Variants in ORC4 observed in about 807,000 individuals in gnomAD.
ORC4 encodes origin recognition complex, subunit 4 homolog.
Under a neutral mutation model 63.9 loss-of-function variants are expected in ORC4, and 55 were observed. That is an observed-to-expected ratio of 0.86 (90% confidence interval 0.69 to 1.08). The LOEUF is 1.08. Ranked by LOEUF, ORC4 falls within the 50% of genes least tolerant of loss-of-function variation. ORC4 has a pLI of 0.00. For missense variants in ORC4, 511 were observed against 504.4 expected (o/e 1.01, Z -0.13); for synonymous variants, 150 against 168.5 (o/e 0.89, Z 0.85).
intron 1 of ORC4, among the ~76,000 whole-genome samples, chr2:148,012,515 C>G (rs1693032963): frequency 6.6e-6 from 1 of 152,100 alleles, no homozygotes; most frequent in Admixed American, 6.6e-5. Context: ...AACTCCAGGA[C>G]ATTGGTCTAG....
chr2:147,980,181 A>G (rs759695003), intron 1 of ORC4, among the ~76,000 whole-genome samples: 1 of 152,174 alleles, frequency 6.6e-6, no homozygotes, highest in African/African-American at 2.4e-5. Context: ...GTCGCTCCTC[A>G]TCAGCAGATT....
At chr2:147,976,290 C>T (rs543407404) in intron 1 of ORC4, among the ~76,000 whole-genome samples, 73 of 152,196 alleles carry the variant, frequency 4.8e-4, no homozygotes, top group Non-Finnish European at 9.0e-4. Context: ...ACCATGTCCC[C>T]ATTTTGTGTC....
chr2:147,939,050 G>T, intron 11 of ORC4, 90 bp downstream of exon 11: 1 of 791,052 alleles, frequency 1.3e-6, no homozygotes. Flanking sequence ...AAAGCATTAT[G>T]CCCACGTTAA....
intron 11 of ORC4, among the ~76,000 whole-genome samples, chr2:147,938,935 T>A (rs1688212375): frequency 6.6e-6 from 1 of 152,182 alleles, no homozygotes; most frequent in Non-Finnish European, 1.5e-5. Context: ...ATTTCCAATG[T>A]GGCAAAAGAG....
rs1379648923 is a variant in ORC4 at position 147,933,685 on chromosome 2, CAAAT to C, written c.*1821_*1824del. On this transcript the variant is annotated 3_prime_UTR_variant, in exon 14 of 14. Transcript: ENST00000392857. ...CCTTTAAGACAAATAATACTTTCCT[CAAAT>C]AGTTCAGAAAATTTTTAAAAGGATC... The C allele has an allele frequency of 2.0e-5, 3 of 152,048 alleles. No individual in the cohort carries two copies. The highest frequency in any genetic ancestry group is 4.4e-5 in the Non-Finnish European group (3 of 68,000). 9.4% of individuals were successfully genotyped at this position (152,048 alleles called of 1,614,324 possible). A position where few individuals can be genotyped will look rare whatever the true frequency, so the allele number is the denominator to read the frequency against.
chr2:147,946,916 C>T (rs1688688806), intron 9 of ORC4, among the ~76,000 whole-genome samples: 1 of 151,878 alleles, frequency 6.6e-6, no homozygotes, highest in Non-Finnish European at 1.5e-5. Flanking sequence ...CACTGTTTAT[C>T]ATGTATTCTT....
intron 1 of ORC4, among the ~76,000 whole-genome samples, chr2:147,992,017 A>C (rs1268003276): frequency 6.6e-6 from 1 of 152,212 alleles, no homozygotes; most frequent in South Asian, 2.1e-4. Flanking sequence ...TAGGCTAACA[A>C]AAGAACTAAC....
At chr2:147,947,996 A>C in intron 9 of ORC4, 55 bp downstream of exon 9, 1 of 1,394,790 alleles carries the variant, frequency 7.2e-7, no homozygotes, top group Non-Finnish European at 1.0e-6. Context: ...TTTGTGTTTT[A>C]ATTGCTTTAA....
chr2:147,972,748 T>C lies in ORC4; in HGVS notation c.216A>G (p.Gly72=), dbSNP rs1573818484. 8 of 1,606,380 alleles carry C rather than the reference T, an allele frequency of 5.0e-6. No individual in the cohort carries two copies. Among genetic ancestry groups the C allele is most frequent in the Non-Finnish European group, 4.3e-6 (5 of 1,174,110 alleles). Residue 72 remains glycine (G), a synonymous_variant, in exon 4 of 14, where the codon GGA becomes GGG. Transcript: ENST00000392857. ...SVLIIGPRGS[G]KTMLINHALK... is the part of the protein sequence containing the mutation. ...AATCAACAGCTTTTACCATAGTTTT[T>C]CCTGATCCTCGGGGTCCGATAATAA...
At chr2:147,936,073 C>T (rs1440255209) in intron 13 of ORC4, among the ~76,000 whole-genome samples, 1 of 152,152 alleles carries the variant, frequency 6.6e-6, no homozygotes, top group Non-Finnish European at 1.5e-5. Context: ...CTGATCAATT[C>T]CCTAGGCTAC....
At chr2:147,943,692 T>C (rs896983793) in intron 9 of ORC4, among the ~76,000 whole-genome samples, 170 bp from the exon 10 acceptor site, 1 of 152,154 alleles carries the variant, frequency 6.6e-6, no homozygotes, top group African/African-American at 2.4e-5. Flanking sequence ...AAAATAAAGT[T>C]TCCAGTCTAC....
At chr2:147,985,943 A>C (rs1463058601) in intron 1 of ORC4, among the ~76,000 whole-genome samples, 2 of 152,212 alleles carry the variant, frequency 1.3e-5, no homozygotes, top group African/African-American at 4.8e-5. Flanking sequence ...CAAACATCAG[A>C]AAGTTCATCA....
intron 4 of ORC4, chr2:147,960,134 T>C (rs1256030326): frequency 2.3e-6 from 1 of 426,934 alleles, no homozygotes; most frequent in Non-Finnish European, 3.1e-6. Context: ...TTCAAAACCA[T>C]TTCAAATCCT....
chr2:148,018,047 C>T (rs1053856288), intron 1 of ORC4, among the ~76,000 whole-genome samples: 1 of 152,070 alleles, frequency 6.6e-6, no homozygotes, highest in African/African-American at 2.4e-5. Context: ...AGATATTGGC[C>T]ATACTGCTAG....
intron 9 of ORC4, among the ~76,000 whole-genome samples, chr2:147,945,142 G>A (rs1368187293): frequency 1.3e-5 from 2 of 152,120 alleles, no homozygotes; most frequent in Middle Eastern, 6.8e-3. Flanking sequence ...GGTAAAATCG[G>A]AGCACTTAGG....
At chr2:147,989,703 T>A (rs1218404575) in intron 1 of ORC4, among the ~76,000 whole-genome samples, 1 of 149,916 alleles carries the variant, frequency 6.7e-6, no homozygotes, top group Non-Finnish European at 1.5e-5. Flanking sequence ...GCGAGACTCA[T>A]CTCAAAAACA....
chr2:148,004,610 C>T (rs887906551), intron 1 of ORC4, among the ~76,000 whole-genome samples: 2 of 151,942 alleles, frequency 1.3e-5, no homozygotes, highest in Admixed American at 1.3e-4. Flanking sequence ...ACACCTTATA[C>T]AAAAATGGAT....
At chr2:147,949,424 G>C (rs924076223) in intron 8 of ORC4, among the ~76,000 whole-genome samples, 3 of 152,120 alleles carry the variant, frequency 2.0e-5, no homozygotes, top group Non-Finnish European at 2.9e-5. Flanking sequence ...CATAGGGCTG[G>C]GGAGGGAACA....
At chr2:147,956,963 T>C (rs1426027634) in intron 6 of ORC4, among the ~76,000 whole-genome samples, 1 of 151,664 alleles carries the variant, frequency 6.6e-6, no homozygotes, top group East Asian at 1.9e-4. Context: ...CAACATCACA[T>C]TCTAAACAGG....
Sources: allele counts gnomAD v4.1 joint callset (sites outside exome capture counted in the v4.1 genomes callset), GRCh38; gene constraint gnomAD v4.1.1; transcripts MANE v1.5; gene names NCBI Gene and HGNC (gene_info 2026-07-23, HGNC 2026-07-21).